The following NKAIN2 variants were observed in gnomAD, a reference collection of about 807,000 sequenced individuals.
The protein encoded by NKAIN2 is sodium/potassium transporting ATPase interacting 2, also known as sodium/potassium-transporting ATPase subunit beta-1-interacting protein 2.
In NKAIN2, 14 loss-of-function variants were observed where a neutral mutation model predicts 32.6. That is an observed-to-expected ratio of 0.43 (90% CI 0.28 to 0.67). The LOEUF (loss-of-function observed/expected upper bound fraction) is 0.67, where lower values mean the gene tolerates loss of function less well. Among genes scored for constraint, NKAIN2 ranks in the 30% least tolerant of loss-of-function variants. NKAIN2 has a pLI of 0.17. For missense variants in NKAIN2, 198 were observed against 258.3 expected, an observed-to-expected ratio of 0.77 and a Z score of 1.60; for synonymous variants, 80 against 87.2, an observed-to-expected ratio of 0.92 and a Z score of 0.46.
chr6:124,307,755 A>G (rs1190724596), intron 2 of NKAIN2, among the ~76,000 whole-genome samples: 2 of 152,200 alleles, frequency 1.3e-5, no homozygotes, highest in African/African-American at 4.8e-5. Flanking sequence ...CTTTTAAAAA[A>G]TGAAAGCAAG....
intron 1 of NKAIN2, among the ~76,000 whole-genome samples, chr6:124,141,095 G>T (rs1787113184): frequency 6.6e-6 from 1 of 152,132 alleles, no homozygotes. Flanking sequence ...AGGGATCACA[G>T]GAAATTAGGC....
intron 1 of NKAIN2, among the ~76,000 whole-genome samples, chr6:123,884,859 C>T (rs1773638554): frequency 6.6e-6 from 1 of 152,014 alleles, no homozygotes; most frequent in Admixed American, 6.6e-5. Flanking sequence ...CTTGATTATA[C>T]CTCGATCATT....
At chr6:123,959,184 G>A (rs1346130080) in intron 1 of NKAIN2, among the ~76,000 whole-genome samples, 1 of 152,198 alleles carries the variant, frequency 6.6e-6, no homozygotes, top group Non-Finnish European at 1.5e-5. Flanking sequence ...TTAGAGGATA[G>A]CATTCTCCCT....
intron 3 of NKAIN2, among the ~76,000 whole-genome samples, chr6:124,503,687 C>T (rs1483900759): frequency 6.6e-6 from 1 of 152,106 alleles, no homozygotes; most frequent in Non-Finnish European, 1.5e-5. Context: ...ACCTACCAGT[C>T]ACTCTCTGAG....
intron 2 of NKAIN2, among the ~76,000 whole-genome samples, chr6:124,350,860 A>G (rs966134095): frequency 3.3e-5 from 5 of 152,218 alleles, no homozygotes; most frequent in African/African-American, 7.2e-5. Context: ...ATGGTGGCAC[A>G]TGCCTGTAGT....
chr6:124,073,239 C>T (rs1783539493), intron 1 of NKAIN2, among the ~76,000 whole-genome samples: 1 of 152,178 alleles, frequency 6.6e-6, no homozygotes, highest in African/African-American at 2.4e-5. Flanking sequence ...GTCAGCAGCC[C>T]ACACTTCCAG....
chr6:124,196,152 A>T (rs995636889), intron 1 of NKAIN2, among the ~76,000 whole-genome samples: 1 of 152,156 alleles, frequency 6.6e-6, no homozygotes, highest in Admixed American at 6.5e-5. Context: ...TTTTTTAAGT[A>T]CTAGCTCATT....
chr6:124,351,669 T>C (rs1264723612), intron 2 of NKAIN2, among the ~76,000 whole-genome samples: 1 of 152,184 alleles, frequency 6.6e-6, no homozygotes, highest in Non-Finnish European at 1.5e-5. Flanking sequence ...TCACCCAGGC[T>C]GGAGTGAAGT....
intron 1 of NKAIN2, among the ~76,000 whole-genome samples, chr6:123,944,243 TC>T (rs767440304): frequency 2.6e-5 from 4 of 152,076 alleles, no homozygotes; most frequent in Admixed American, 2.0e-4. Flanking sequence ...AGTTCTGCCA[TC>T]CCAACCTGGT....
chr6:124,580,796 AAAAT>A (rs1781490977), intron 3 of NKAIN2, among the ~76,000 whole-genome samples: 2 of 152,224 alleles, frequency 1.3e-5, no homozygotes. Flanking sequence ...ATATAGACTG[AAAAT>A]AAAGGGATGG....
At chr6:123,813,585 G>A (rs950977053) in intron 1 of NKAIN2, among the ~76,000 whole-genome samples, 1 of 152,188 alleles carries the variant, frequency 6.6e-6, no homozygotes, top group African/African-American at 2.4e-5. Context: ...GCCGAGGCCG[G>A]TAGATCACCT....
At chr6:124,704,870 T>C (rs1353665532) in intron 4 of NKAIN2, among the ~76,000 whole-genome samples, 3 of 152,002 alleles carry the variant, frequency 2.0e-5, no homozygotes, top group Non-Finnish European at 4.4e-5. Context: ...GAGGGAGTGC[T>C]ATCTGCATTT....
In NKAIN2 at chr6:124,006,002, A is replaced by T. The variant is rs368724946; in HGVS notation, c.54+201748A>T. ...TGTCTCTGACTTGCCCTGCTCATTC[A>T]TCCTTACAGCACAAAAAAGTTAATC... On this transcript the variant is annotated intron_variant, in intron 1 of 6. Transcript: ENST00000368417. Among the ~76,000 whole-genome samples, 209 of 152,226 alleles carry T rather than the reference A, an allele frequency of 1.4e-3. 1 individual carries two copies. Among genetic ancestry groups the T allele is most frequent in the African/African-American group, 4.8e-3 (201 of 41,532 alleles).
chr6:124,793,173 A>C (rs2114811713), intron 5 of NKAIN2, among the ~76,000 whole-genome samples: 1 of 152,238 alleles, frequency 6.6e-6, no homozygotes, highest in Admixed American at 6.5e-5. Flanking sequence ...TAAGGGAAAA[A>C]GAGGAGACTG....
chr6:123,828,672 C>T (rs1484471687), intron 1 of NKAIN2: 1 of 152,184 alleles, frequency 6.6e-6, no homozygotes, highest in South Asian at 2.1e-4. Flanking sequence ...CTCCCTCTCC[C>T]CCTTAAGACT....
intron 3 of NKAIN2, among the ~76,000 whole-genome samples, chr6:124,626,387 G>GAGAC (rs1783345051): frequency 6.6e-6 from 1 of 151,964 alleles, no homozygotes. Flanking sequence ...ATGAATCACA[G>GAGAC]AGACATGATA....
intron 4 of NKAIN2, among the ~76,000 whole-genome samples, chr6:124,777,441 T>A (rs886875387): frequency 6.6e-6 from 1 of 152,216 alleles, no homozygotes; most frequent in African/African-American, 2.4e-5. Context: ...ATGCCACCAA[T>A]TCCTCATCTA....
chr6:124,527,321 C>A (rs546609293), intron 3 of NKAIN2, among the ~76,000 whole-genome samples: 17 of 152,240 alleles, frequency 1.1e-4, no homozygotes, highest in African/African-American at 4.1e-4. Flanking sequence ...TATTTCACCC[C>A]CTGCCATTAC....
At chr6:124,135,774 A>T (rs1460395010) in intron 1 of NKAIN2, among the ~76,000 whole-genome samples, 1 of 152,168 alleles carries the variant, frequency 6.6e-6, no homozygotes, top group East Asian at 1.9e-4. Context: ...ACTGCTGTTG[A>T]ATGATCCTTG....
Sources: gnomAD v4.1 joint callset for allele counts (sites outside exome capture counted in the v4.1 genomes callset) on GRCh38, gnomAD v4.1.1 for gene constraint, MANE v1.5 for transcripts, NCBI Gene and HGNC (gene_info 2026-07-23, HGNC 2026-07-21) for gene names.